NAV1: variants seen among roughly 807,000 people sequenced by gnomAD.
NAV1 encodes neuron navigator 1, also known as pore membrane and/or filament interacting like protein 3.
NAV1 carries 18 observed loss-of-function variants against 175.2 expected under a neutral mutation model. The observed-to-expected ratio is 0.10, with a 90% CI of 0.07 to 0.15. The LOEUF (loss-of-function observed/expected upper bound fraction) is 0.15. Ranked by LOEUF, NAV1 falls within the 10% of genes least tolerant of loss-of-function variation. NAV1 has a pLI of 1.00. For missense variants in NAV1, 1,731 were observed against 2,436.6 expected, an observed-to-expected ratio of 0.71 and a Z score of 6.10; for synonymous variants, 897 against 978.7, an observed-to-expected ratio of 0.92 and a Z score of 1.56.
chr1:201,795,679 C>T (rs1677399000), intron 15 of NAV1: 1 of 152,120 alleles, frequency 6.6e-6, no homozygotes, highest in Admixed American at 6.5e-5. Flanking sequence ...ACCAAAAACA[C>T]TTTCACTGCA....
At chr1:201,622,982 C>T (rs1668220159) in exon 1 of NAV1, 13 of 986,194 alleles carry the variant, frequency 1.3e-5, no homozygotes, top group African/African-American at 3.5e-5. Flanking sequence ...ATTCCTACAC[C>T]GGGCGCTTCT....
At position 201,788,473 on chromosome 1, in the gene NAV1, C is replaced by T; in HGVS notation, c.3001C>T (p.Pro1001Ser). Residue 1001 changes from proline to serine, a missense_variant, in exon 10 of 30, where the codon CCC becomes TCC. Around this residue, in one of 13 missense-constraint regions of NAV1, gnomAD observed 634 missense variants for 766.8 expected, o/e 0.83. Transcript: ENST00000367296. The surrounding 1 kb of genome is among the most constrained non-coding windows in gnomAD (Gnocchi z 5.7). ...CCTTCCCTCTGTCCTTCCAGTGAGT[C>T]CCACTGCGGCCACCACGCCAAGAAT... 2 of 1,614,036 alleles carry T rather than the reference C, an allele frequency of 1.2e-6. No individual in the cohort carries two copies. Among genetic ancestry groups the T allele is most frequent in the Non-Finnish European group, 1.7e-6 (2 of 1,179,998 alleles).
intron 1 of NAV1, among the ~76,000 whole-genome samples, chr1:201,691,528 A>G (rs1020204099): frequency 1.3e-5 from 2 of 152,238 alleles, no homozygotes; most frequent in Non-Finnish European, 2.9e-5. Flanking sequence ...GAAGGGTTGA[A>G]CATGCAGAAA....
exon 21 of NAV1, chr1:201,809,249 C>T: frequency 5.0e-6 from 8 of 1,613,866 alleles, no homozygotes; most frequent in Non-Finnish European, 6.8e-6. Context: ...CCCCGCAGCA[C>T]ATCATCAAAG....
chr1:201,808,968 A>G lies in NAV1; in HGVS notation c.4207+97A>G. ...ACTTGCTTTGGTCAGGGCGGTAACA[A>G]TGCCGAAGCCAAGCAGATGCCAGTG... On this transcript the variant is annotated intron_variant, in intron 20 of 29. Coordinates refer to ENST00000367296, the Ensembl canonical transcript of NAV1. The surrounding 1 kb of genome is among the most constrained non-coding windows in gnomAD (Gnocchi z 5.5). 6.8e-7 allele frequency: 1 copy of G among 1,460,484 alleles called. No homozygotes were observed. The highest frequency in any genetic ancestry group is 1.3e-5 in the South Asian group (1 of 77,098). The allele number at this position is 1,460,484 out of a possible 1,614,324, so 90.5% of individuals were successfully genotyped here.
At chr1:201,785,320 G>C in exon 8 of NAV1, 1 of 1,607,388 alleles carries the variant, frequency 6.2e-7, no homozygotes. Context: ...TAATCAGCGG[G>C]ATCGGAACAC....
chr1:201,583,135 C>T (rs2102197495), intron 1 of NAV1, among the ~76,000 whole-genome samples: 1 of 152,412 alleles, frequency 6.6e-6, no homozygotes, highest in South Asian at 2.1e-4. Flanking sequence ...GCTCTACACC[C>T]TCTGGGGCTT....
chr1:201,789,482 C>T (rs1004774609), intron 10 of NAV1, among the ~76,000 whole-genome samples: 2 of 152,148 alleles, frequency 1.3e-5, no homozygotes, highest in East Asian at 1.9e-4. Flanking sequence ...TCTGAAACCC[C>T]GTGCCCCTCA....
At chr1:201,701,117 A>G (rs916792465) in intron 1 of NAV1, among the ~76,000 whole-genome samples, 2 of 151,646 alleles carry the variant, frequency 1.3e-5, no homozygotes, top group Non-Finnish European at 2.9e-5. Context: ...TTGCAGGGTC[A>G]TGGATGAAGC....
intron 5 of NAV1, 66 bp downstream of exon 9, chr1:201,781,375 T>C (rs1676312800): frequency 9.7e-6 from 14 of 1,450,224 alleles, no homozygotes; most frequent in Non-Finnish European, 1.3e-5. Context: ...CTCTTCTTAG[T>C]GGTCATTAAC....
intron 8 of NAV1, among the ~76,000 whole-genome samples, chr1:201,785,788 C>CT (rs34841837): frequency 0.15 from 14,983 of 98,928 alleles, 1,769 homozygotes; most frequent in South Asian, 0.25. Context: ...ACTATTGCAA[C>CT]TTTTTTTTTT....
chr1:201,563,424 C>T (rs750938395), intron 1 of NAV1, among the ~76,000 whole-genome samples: 1 of 151,776 alleles, frequency 6.6e-6, no homozygotes, highest in Admixed American at 6.6e-5. Flanking sequence ...GAAAAGCATA[C>T]GAGACCACAA....
chr1:201,634,918 C>A (rs1351771786), intron 2 of NAV1, among the ~76,000 whole-genome samples: 1 of 152,202 alleles, frequency 6.6e-6, no homozygotes, highest in Non-Finnish European at 1.5e-5. Context: ...TCCCAGAAAT[C>A]AAGAAATCTT....
At chr1:201,743,353 GCCACCCAACC>G (rs1673556302) in intron 3 of NAV1, among the ~76,000 whole-genome samples, 1 of 152,212 alleles carries the variant, frequency 6.6e-6, no homozygotes, top group Non-Finnish European at 1.5e-5. Context: ...AATTATAATT[GCCACCCAACC>G]AGTGGGGAGT....
At chr1:201,805,914 C>T (rs933879436) in intron 17 of NAV1, among the ~76,000 whole-genome samples, 3 of 151,650 alleles carry the variant, frequency 2.0e-5, no homozygotes, top group African/African-American at 7.3e-5. Flanking sequence ...GAGTGAGACC[C>T]TGTCTCCAAA....
intron 1 of NAV1, among the ~76,000 whole-genome samples, chr1:201,562,367 A>G (rs552817141): frequency 6.6e-6 from 1 of 152,194 alleles, no homozygotes; most frequent in Middle Eastern, 3.4e-3. Flanking sequence ...CTTGGGTCCT[A>G]GTTGGTAGAA....
chr1:201,690,665 A>C (rs111778274), intron 1 of NAV1, among the ~76,000 whole-genome samples: 17 of 126,892 alleles, frequency 1.3e-4, no homozygotes, highest in African/African-American at 5.3e-4. Flanking sequence ...AGCGCTGGCT[A>C]TTTCCTCCGT....
At chr1:201,692,958 T>C (rs1183981723) in intron 1 of NAV1, among the ~76,000 whole-genome samples, 1 of 151,966 alleles carries the variant, frequency 6.6e-6, no homozygotes, top group Non-Finnish European at 1.5e-5. Flanking sequence ...GCTGTAGAGA[T>C]GGGATGGAAT....
chr1:201,666,256 C>T (rs1183017453), intron 1 of NAV1, among the ~76,000 whole-genome samples: 2 of 152,034 alleles, frequency 1.3e-5, no homozygotes, highest in Admixed American at 6.5e-5. Flanking sequence ...CCCATATGTT[C>T]AGGGAATGCA....
Sources: gnomAD v4.1 joint callset for allele counts (sites outside exome capture counted in the v4.1 genomes callset) on GRCh38, gnomAD v4.1.1 for gene constraint, gnomAD v4.1.1 regional missense constraint, Gnocchi (gnomAD v3.1) non-coding constraint, MANE v1.5 for transcripts, NCBI Gene and HGNC (gene_info 2026-07-23, HGNC 2026-07-21) for gene names.